GALNTL6: variants seen among roughly 807,000 people sequenced by gnomAD.
GALNTL6 encodes polypeptide N-acetylgalactosaminyltransferase-like 6.
GALNTL6 carries 46 observed loss-of-function variants against 73.7 expected under a neutral mutation model. The ratio of observed to expected loss-of-function variants is 0.62; its 90% CI spans 0.49 to 0.80. GALNTL6 has a LOEUF of 0.80. Ranked by LOEUF, GALNTL6 falls within the 30% of genes least tolerant of loss-of-function variation. The probability of loss-of-function intolerance (pLI) is 0.00; values close to 1 mark genes in which losing one functional copy is unlikely to be tolerated. For synonymous variants in GALNTL6, 259 were observed against 263.7 expected (o/e 0.98, Z 0.17); for missense variants, 604 against 755.0 (o/e 0.80, Z 2.34).
chr4:172,239,630 TG>T (rs1198466524), intron 3 of GALNTL6, among the ~76,000 whole-genome samples: 1 of 152,176 alleles, frequency 6.6e-6, no homozygotes, highest in Admixed American at 6.5e-5. Flanking sequence ...TTGCTAGCTT[TG>T]GGGTTGGTTT....
chr4:172,499,264 A>G (rs933276754), intron 5 of GALNTL6, among the ~76,000 whole-genome samples: 5 of 152,162 alleles, frequency 3.3e-5, no homozygotes, highest in African/African-American at 1.2e-4. Flanking sequence ...AGTCATACAG[A>G]TGGAGCTCCT....
intron 5 of GALNTL6, among the ~76,000 whole-genome samples, chr4:172,364,282 T>G (rs1411459342): frequency 4.6e-5 from 7 of 152,074 alleles, no homozygotes; most frequent in Admixed American, 4.6e-4. Flanking sequence ...AGTTAGTCCA[T>G]TCTGGTGGCA....
intron 5 of GALNTL6, among the ~76,000 whole-genome samples, chr4:172,433,573 G>C (rs79788411): frequency 0.022 from 3,377 of 152,178 alleles, 108 homozygotes; most frequent in African/African-American, 0.076. Flanking sequence ...TAGCCAATGA[G>C]ATGTTAAAAT....
At chr4:173,002,950 T>C (rs1485223467) in intron 10 of GALNTL6, among the ~76,000 whole-genome samples, 1 of 152,124 alleles carries the variant, frequency 6.6e-6, no homozygotes, top group Non-Finnish European at 1.5e-5. Flanking sequence ...GTCAGTAGAA[T>C]AGACAGTACC....
At chr4:172,121,257 TTGTGTGTGTG>T (rs375731048) in intron 2 of GALNTL6, among the ~76,000 whole-genome samples, 3,644 of 142,442 alleles carry the variant, frequency 0.026, 109 homozygotes, top group African/African-American at 0.073. Flanking sequence ...TCAAGAAGCA[TTGTGTGTGTG>T]TGTGTGTGTG....
rs937230505 is a variant in GALNTL6, at chr4:172,085,585, T to C, written c.139-144071T>C. ...CATTAACAAAATTATACATTAAGCATGAATAGCTACTGGTTTAAGGCAGAA... is the reference window on the plus strand; with the variant it reads ...CATTAACAAAATTATACATTAAGCACGAATAGCTACTGGTTTAAGGCAGAA... On this transcript the variant is annotated intron_variant, in intron 2 of 12. Coordinates refer to ENST00000506823, the MANE Select transcript of GALNTL6 (RefSeq NM_001034845.3). Among the ~76,000 whole-genome samples the C allele has an allele frequency of 2.6e-5, 4 of 152,150 alleles. No homozygotes were observed. In the East Asian group the frequency reaches 7.7e-4, roughly 29 times the overall value.
At chr4:172,938,100 G>T (rs767925045) in intron 9 of GALNTL6, among the ~76,000 whole-genome samples, 30 of 152,174 alleles carry the variant, frequency 2.0e-4, no homozygotes, top group Admixed American at 6.6e-4. Flanking sequence ...CAGGCACAAA[G>T]TTCTAAGTCT....
chr4:172,929,505 A>G (rs1038771420), intron 8 of GALNTL6, among the ~76,000 whole-genome samples: 1 of 152,164 alleles, frequency 6.6e-6, no homozygotes, highest in Non-Finnish European at 1.5e-5. Flanking sequence ...TGGTAAGTCC[A>G]CAATCTTCAG....
intron 5 of GALNTL6, among the ~76,000 whole-genome samples, chr4:172,500,612 G>A (rs1734227427): frequency 6.6e-6 from 1 of 150,480 alleles, no homozygotes; most frequent in African/African-American, 2.4e-5. Context: ...TCCATGTCTA[G>A]CAAAAATAAT....
At chr4:172,595,790 C>G (rs1289880144) in intron 5 of GALNTL6, among the ~76,000 whole-genome samples, 1 of 152,090 alleles carries the variant, frequency 6.6e-6, no homozygotes, top group Middle Eastern at 3.4e-3. Flanking sequence ...AATAATTTAT[C>G]CCTGGACCAG....
At chr4:172,398,412 T>TATCCTTTTTCATATCTCAA (rs1743923837) in intron 5 of GALNTL6, among the ~76,000 whole-genome samples, 1 of 152,312 alleles carries the variant, frequency 6.6e-6, no homozygotes, top group African/African-American at 2.4e-5. Flanking sequence ...AAGTGAGTGC[T>TATCCTTTTTCATATCTCAA]ATCCTTTTTC....
intron 5 of GALNTL6, among the ~76,000 whole-genome samples, chr4:172,801,872 T>C (rs997789037): frequency 6.6e-6 from 1 of 152,168 alleles, no homozygotes; most frequent in Non-Finnish European, 1.5e-5. Context: ...ACTCCTCTTC[T>C]TCTTCCTTCT....
At chr4:172,705,634 G>A (rs759627864) in intron 5 of GALNTL6, among the ~76,000 whole-genome samples, 5 of 151,272 alleles carry the variant, frequency 3.3e-5, no homozygotes, top group African/African-American at 1.2e-4. Context: ...ATCCTTTTTT[G>A]CCTCCAGATT....
At chr4:171,996,754 C>T (rs185779631) in intron 2 of GALNTL6, among the ~76,000 whole-genome samples, 1 of 145,844 alleles carries the variant, frequency 6.9e-6, no homozygotes, top group East Asian at 2.0e-4. Flanking sequence ...CTCACAGTGT[C>T]TTAAGAAAGT....
At chr4:172,553,841 G>C (rs1315669135) in intron 5 of GALNTL6, among the ~76,000 whole-genome samples, 1 of 152,048 alleles carries the variant, frequency 6.6e-6, no homozygotes, top group Non-Finnish European at 1.5e-5. Context: ...AGGATCTCTT[G>C]AGGCCAGGAG....
chr4:171,981,940 A>C (rs1479519644), intron 2 of GALNTL6, among the ~76,000 whole-genome samples: 1 of 152,026 alleles, frequency 6.6e-6, no homozygotes, highest in Admixed American at 6.5e-5. Context: ...TCTATTCCTG[A>C]AAGAGGGGGT....
chr4:172,959,205 A>G (rs1749915098), intron 10 of GALNTL6, among the ~76,000 whole-genome samples: 1 of 151,994 alleles, frequency 6.6e-6, no homozygotes. Context: ...GGTGTCCTAT[A>G]CTTGTGGTTT....
chr4:172,252,917 G>A (rs1011195419), intron 3 of GALNTL6, among the ~76,000 whole-genome samples: 3 of 151,780 alleles, frequency 2.0e-5, no homozygotes, highest in African/African-American at 7.3e-5. Context: ...AATATAAGGA[G>A]GGGCATCATG....
chr4:172,965,172 C>T (rs1181885304), intron 10 of GALNTL6, among the ~76,000 whole-genome samples: 1 of 152,136 alleles, frequency 6.6e-6, no homozygotes, highest in Non-Finnish European at 1.5e-5. Flanking sequence ...GGCTCAAAAA[C>T]GAGGTTGGGA....
Sources: allele counts gnomAD v4.1 joint callset (sites outside exome capture counted in the v4.1 genomes callset), GRCh38; gene constraint gnomAD v4.1.1; transcripts MANE v1.5; gene names NCBI Gene and HGNC (gene_info 2026-07-23, HGNC 2026-07-21).